POR: variants seen among roughly 807,000 people sequenced by gnomAD.
POR encodes cytochrome p450 oxidoreductase.
A neutral mutation model predicts 84.0 loss-of-function variants in POR; 56 were observed. The observed-to-expected ratio is 0.67, with a 90% CI of 0.54 to 0.83. The LOEUF is 0.83. POR is among the 40% of genes least tolerant of loss of function. The probability of loss-of-function intolerance (pLI) is 0.00; values close to 1 mark genes in which losing one functional copy is unlikely to be tolerated. For synonymous variants in POR, 414 were observed against 400.5 expected, an observed-to-expected ratio of 1.03 and a Z score of -0.40; for missense variants, 938 against 944.3, an observed-to-expected ratio of 0.99 and a Z score of 0.09.
At chr7:75,953,954 C>G (rs72553986) in intron 1 of POR, 35 bp from the exon 2 acceptor site, 1 of 1,512,326 alleles carries the variant, frequency 6.6e-7, no homozygotes, top group Non-Finnish European at 8.9e-7. Flanking sequence ...CCCTGCTACC[C>G]TCTGCTGACA....
intron 2 of POR, among the ~76,000 whole-genome samples, chr7:75,967,436 C>T (rs1245856244): frequency 1.3e-5 from 2 of 152,100 alleles, no homozygotes; most frequent in Admixed American, 6.5e-5. Flanking sequence ...GGATGCTTCC[C>T]GCTGACATGG....
rs782524389 is a variant in POR at position 75,981,089 on chromosome 7, C to T, written c.558C>T (p.Ala186=). ...ACAAGACCTACGAGCACTTCAATGC[C>T]ATGGGCAAGTACGTGGACAAGCGGC... is the stretch of plus-strand genomic sequence containing the variant. Residue 186 remains alanine, a synonymous_variant, in exon 6 of 16, where the codon GCC becomes GCT. Coordinates refer to ENST00000461988, the MANE Select transcript of POR (RefSeq NM_000941.3). The T allele has an allele frequency of 1.8e-5, 28 of 1,574,560 alleles. No homozygotes were observed. Among genetic ancestry groups the T allele is most frequent in the Middle Eastern group, 1.7e-4 (1 of 5,804 alleles).
In POR at chr7:75,961,225, C is replaced by CA. The variant is rs11412145; in HGVS notation, c.188+7056dup. On this transcript the variant is annotated intron_variant, in intron 2 of 15. Transcript: ENST00000461988. ...TCCAGCCTGGGCGATGAAGTGAGAC[C>CA]AAAAAAAAAAAGGCAGTATCAAATA... Among the ~76,000 whole-genome samples, 1,141 of 121,246 alleles carry CA rather than the reference C, an allele frequency of 9.4e-3. 16 individuals carry two copies. The highest frequency in any genetic ancestry group is 0.05 in the South Asian group (184 of 3,708). 79.5% of individuals were successfully genotyped at this position (121,246 alleles called of 152,430 possible). A position where few individuals can be genotyped will look rare whatever the true frequency, so the allele number is the denominator to read the frequency against.
chr7:75,982,194 C>T lies in POR; in HGVS notation c.732-30C>T, dbSNP rs374145027. Reference sequence around the variant, plus strand: ...TCTCGGGACTGACCCCTGCCGCTTCCCGGCCTCACCCTTGGTCTCCCCTTT... The same window carrying T: ...TCTCGGGACTGACCCCTGCCGCTTCTCGGCCTCACCCTTGGTCTCCCCTTT... On this transcript the variant is annotated intron_variant, in intron 7 of 15. Coordinates refer to ENST00000461988, the MANE Select transcript of POR (RefSeq NM_000941.3). 8.3e-5 allele frequency: 131 copies of T among 1,576,064 alleles called. 1 individual carries two copies. Among genetic ancestry groups the T allele is most frequent in the Non-Finnish European group, 1.0e-4 (121 of 1,156,600 alleles).
At chr7:75,967,043 C>T (rs1290174025) in intron 2 of POR, among the ~76,000 whole-genome samples, 2 of 152,140 alleles carry the variant, frequency 1.3e-5, no homozygotes, top group Non-Finnish European at 1.5e-5. Context: ...AATCTTGGCT[C>T]ACTGCAACCT....
At chr7:75,976,313 T>G (rs1208440440) in intron 3 of POR, among the ~76,000 whole-genome samples, 4 of 151,980 alleles carry the variant, frequency 2.6e-5, no homozygotes, top group South Asian at 2.1e-4. Flanking sequence ...CGTGGTGGCA[T>G]GCACCTGTAG....
chr7:75,919,158 C>T (rs185961260), intron 1 of POR, among the ~76,000 whole-genome samples: 635 of 152,186 alleles, frequency 4.2e-3, no homozygotes, highest in Non-Finnish European at 7.0e-3. Flanking sequence ...GCCACCATGT[C>T]TGGCTCAGGA....
chr7:75,928,793 CTT>C (rs1807276256), intron 1 of POR, among the ~76,000 whole-genome samples: 1 of 152,098 alleles, frequency 6.6e-6, no homozygotes, highest in African/African-American at 2.4e-5. Context: ...TGGTGGGTCT[CTT>C]TTCTAACAGG....
intron 2 of POR, among the ~76,000 whole-genome samples, chr7:75,954,992 G>C (rs1787621977): frequency 6.6e-6 from 1 of 152,104 alleles, no homozygotes; most frequent in African/African-American, 2.4e-5. Context: ...ACAGGTGTGA[G>C]CCGTTGCGCC....
intron 1 of POR, among the ~76,000 whole-genome samples, chr7:75,918,889 A>G (rs551712010): frequency 4.3e-4 from 65 of 150,576 alleles, no homozygotes; most frequent in African/African-American, 1.4e-3. Context: ...AGATTGCATG[A>G]GGCTGAGGTC....
intron 1 of POR, among the ~76,000 whole-genome samples, chr7:75,940,744 A>G (rs2116335488): frequency 6.6e-6 from 1 of 151,514 alleles, no homozygotes; most frequent in South Asian, 2.1e-4. Context: ...AGATTGCGCC[A>G]CTGTACTCCA....
intron 8 of POR, 198 bp from the exon 9 acceptor site, chr7:75,983,322 C>T: frequency 7.4e-6 from 4 of 537,994 alleles, no homozygotes; most frequent in Non-Finnish European, 1.3e-5. Context: ...GCCTGGGTGG[C>T]AGAGCGAAAC....
chr7:75,982,083 C>T (rs1789082334), intron 7 of POR, 141 bp from the exon 8 acceptor site: 2 of 673,738 alleles, frequency 3.0e-6, no homozygotes, highest in African/African-American at 1.8e-5. Context: ...GCATCTGCAG[C>T]AGGGGCTCCC....
intron 7 of POR, 89 bp from the exon 8 acceptor site, chr7:75,982,135 C>A: frequency 1.1e-6 from 1 of 942,936 alleles, no homozygotes; most frequent in Non-Finnish European, 1.7e-6. Flanking sequence ...CCCCAAAGGC[C>A]ATGCACGGTC....
chr7:75,981,240 C>T (rs72557916), intron 6 of POR, 68 bp downstream of exon 6: 108 of 1,468,094 alleles, frequency 7.4e-5, no homozygotes, highest in Non-Finnish European at 9.0e-5. Flanking sequence ...ACGTGAGGGG[C>T]GCGCACACCA....
At position 75,983,721 on chromosome 7, in the gene POR, C is replaced by A. The variant is rs782312165; in HGVS notation, c.948-17C>A. ...GGCCAGCCTTCCGCCCCTCCCGAGC[C>A]TCACATCTCCCTCCAGGTATGAATC... On this transcript the variant is annotated splice_polypyrimidine_tract_variant and intron_variant, in intron 9 of 15. Transcript: ENST00000461988. 1 of 1,611,002 alleles carries A rather than the reference C, an allele frequency of 6.2e-7. No homozygotes were observed. Among genetic ancestry groups the A allele is most frequent in the African/African-American group, 1.3e-5 (1 of 74,896 alleles).
chr7:75,922,575 C>T (rs1297381593), intron 1 of POR, among the ~76,000 whole-genome samples: 3 of 152,296 alleles, frequency 2.0e-5, no homozygotes, highest in Non-Finnish European at 2.9e-5. Flanking sequence ...CTGCCCGCCT[C>T]GGCCTTCCGA....
intron 3 of POR, among the ~76,000 whole-genome samples, chr7:75,975,530 C>T (rs1161563038): frequency 6.6e-6 from 1 of 152,092 alleles, no homozygotes; most frequent in Non-Finnish European, 1.5e-5. Context: ...GTCCCCGCTA[C>T]CTGAGAGGCT....
intron 3 of POR, among the ~76,000 whole-genome samples, chr7:75,978,601 A>ATCTCGGCTCACCG: frequency 6.6e-6 from 1 of 151,738 alleles, no homozygotes; most frequent in South Asian, 2.1e-4. Context: ...TCGGCTCACC[A>ATCTCGGCTCACCG]CAACCTCTGC....
Sources: allele counts gnomAD v4.1 joint callset (sites outside exome capture counted in the v4.1 genomes callset), GRCh38; gene constraint gnomAD v4.1.1; transcripts MANE v1.5; gene names NCBI Gene and HGNC (gene_info 2026-07-23, HGNC 2026-07-21).